SPHKAP: variants seen among roughly 807,000 people sequenced by gnomAD.
SPHKAP encodes A-kinase anchor protein SPHKAP.
In SPHKAP, 67 loss-of-function variants were observed where a neutral mutation model predicts 137.5. That is an observed-to-expected ratio of 0.49 (90% CI 0.40 to 0.60). The LOEUF is 0.60. SPHKAP is among the 20% of genes least tolerant of loss of function. The probability of loss-of-function intolerance (pLI) is 0.00; values close to 1 mark genes in which losing one functional copy is unlikely to be tolerated. For synonymous variants in SPHKAP, 813 were observed against 785.3 expected (o/e 1.04, Z -0.59); for missense variants, 2,097 against 2,069.3 (o/e 1.01, Z -0.26).
intron 1 of SPHKAP, among the ~76,000 whole-genome samples, chr2:228,149,646 T>G (rs1232859648): frequency 6.6e-6 from 1 of 152,210 alleles, no homozygotes; most frequent in East Asian, 1.9e-4. Context: ...TGGAAAGGTC[T>G]TGCATGCTTT....
intron 3 of SPHKAP, among the ~76,000 whole-genome samples, chr2:228,044,776 A>T (rs978471798): frequency 6.6e-6 from 1 of 152,232 alleles, no homozygotes; most frequent in African/African-American, 2.4e-5. Context: ...GATGCTAATT[A>T]GTTACTAAAA....
chr2:228,062,831 T>A (rs904515071), intron 3 of SPHKAP, among the ~76,000 whole-genome samples: 25 of 152,184 alleles, frequency 1.6e-4, no homozygotes, highest in African/African-American at 5.5e-4. Context: ...ACAAAAGAAC[T>A]GAAATTTTCT....
intron 3 of SPHKAP, among the ~76,000 whole-genome samples, chr2:228,039,424 C>CTATA (rs1249658383): frequency 6.9e-6 from 1 of 144,182 alleles, no homozygotes; most frequent in Non-Finnish European, 1.5e-5. Flanking sequence ...ATTTGAATGT[C>CTATA]TATAGGAAAT....
intron 8 of SPHKAP, 133 bp from the exon 9 acceptor site, chr2:227,993,753 C>A: frequency 1.4e-6 from 1 of 733,646 alleles, no homozygotes. Flanking sequence ...TAGGACACCT[C>A]AATTCATATT....
At chr2:228,032,627 G>C (rs1695382890) in intron 3 of SPHKAP, among the ~76,000 whole-genome samples, 1 of 152,188 alleles carries the variant, frequency 6.6e-6, no homozygotes, top group Non-Finnish European at 1.5e-5. Context: ...CAGCCAGAGA[G>C]AAAGGTCGGG....
intron 2 of SPHKAP, among the ~76,000 whole-genome samples, chr2:228,118,166 A>G (rs1256924397): frequency 6.7e-6 from 1 of 150,074 alleles, no homozygotes; most frequent in African/African-American, 2.4e-5. Flanking sequence ...AGATTCGTCT[A>G]TATTATCATA....
intron 1 of SPHKAP, among the ~76,000 whole-genome samples, chr2:228,176,567 C>A (rs1192769821): frequency 1.3e-5 from 2 of 152,204 alleles, no homozygotes; most frequent in Non-Finnish European, 2.9e-5. Flanking sequence ...CAGGACTAAG[C>A]ACCAGGTCTC....
At chr2:228,153,354 A>T (rs1056174941) in intron 1 of SPHKAP, among the ~76,000 whole-genome samples, 11 of 152,196 alleles carry the variant, frequency 7.2e-5, no homozygotes, top group Non-Finnish European at 1.5e-4. Context: ...TATTTCACAC[A>T]TCATATCTGA....
At chr2:228,139,427 C>T (rs1177531493) in intron 1 of SPHKAP, among the ~76,000 whole-genome samples, 3 of 152,100 alleles carry the variant, frequency 2.0e-5, no homozygotes, top group African/African-American at 7.2e-5. Context: ...AGCTGTACTT[C>T]CAAATAGAAT....
chr2:227,994,553 T>C (rs531400004), intron 8 of SPHKAP, among the ~76,000 whole-genome samples: 2 of 152,100 alleles, frequency 1.3e-5, no homozygotes, highest in Non-Finnish European at 2.9e-5. Context: ...TAGATGGTAC[T>C]CTAAAAGTAG....
At chr2:227,999,332 G>A (rs1168447642) in intron 7 of SPHKAP, among the ~76,000 whole-genome samples, 5 of 152,172 alleles carry the variant, frequency 3.3e-5, no homozygotes, top group African/African-American at 1.2e-4. Context: ...TAGGGAGGAA[G>A]GAGGAGAATG....
intron 1 of SPHKAP, among the ~76,000 whole-genome samples, chr2:228,157,907 G>C (rs1374811967): frequency 6.6e-6 from 1 of 152,154 alleles, no homozygotes. Context: ...AGGAAACAAG[G>C]CACCAAGTTT....
chr2:228,160,377 G>C (rs1235520336), intron 1 of SPHKAP, among the ~76,000 whole-genome samples: 1 of 152,192 alleles, frequency 6.6e-6, no homozygotes, highest in Non-Finnish European at 1.5e-5. Context: ...ATACAGGAAA[G>C]AGGTTTAATT....
Position 228,016,818 on chromosome 2 carries a change from TCTC to T in SPHKAP, c.4033_4035del (p.Glu1345del). Reference sequence around the variant, plus strand: ...CTCGCAGCTAATCTATTTGCACACTTCTCTGCTTGCGAGGGAGAGCCACCAGAA... The same window carrying T: ...CTCGCAGCTAATCTATTTGCACACTTTGCTTGCGAGGGAGAGCCACCAGAA... On this transcript the variant is annotated inframe_deletion, in exon 7 of 12. Coordinates refer to ENST00000392056, the MANE Select transcript of SPHKAP (RefSeq NM_001142644.2). The T allele has an allele frequency of 6.2e-7, 1 of 1,613,996 alleles. No individual in the cohort carries two copies. Among genetic ancestry groups the T allele is most frequent in the Non-Finnish European group, 8.5e-7 (1 of 1,180,000 alleles).
intron 1 of SPHKAP, among the ~76,000 whole-genome samples, chr2:228,154,591 C>T (rs535813560): frequency 1.7e-5 from 2 of 119,126 alleles, no homozygotes; most frequent in East Asian, 2.6e-4. Flanking sequence ...CTCTGTCACC[C>T]AGGCTGGAGT....
At chr2:228,138,894 T>C (rs1559194926) in intron 1 of SPHKAP, among the ~76,000 whole-genome samples, 1 of 77,440 alleles carries the variant, frequency 1.3e-5, no homozygotes, top group Non-Finnish European at 2.8e-5. Flanking sequence ...ATGAAGGATA[T>C]TTCTTTTCAA....
chr2:228,016,654 A>C lies in SPHKAP; in HGVS notation c.4200T>G (p.Asp1400Glu). The C allele has an allele frequency of 3.7e-6, 6 of 1,613,914 alleles. No homozygotes were observed. The highest frequency in any genetic ancestry group is 5.1e-6 in the Non-Finnish European group (6 of 1,179,986). ...TASLTNHSPL[D>E]SKKETSSCQD... ...GGCACGAGGAAGTTTCTTTTTTAGA[A>C]TCTAAAGGGCTGTGGTTTGTAAGAG... Residue 1400 changes from aspartate to glutamate, a missense_variant, in exon 7 of 12, where the codon GAT becomes GAG. Asp to Glu is a conservative substitution (Grantham distance 45). Coordinates refer to ENST00000392056, the MANE Select transcript of SPHKAP (RefSeq NM_001142644.2).
rs142164970 is a variant in SPHKAP, at chr2:227,991,163, G to A, written c.4796C>T (p.Thr1599Met). ...GCTCCTCTGGGGGCTGGCTGTTCCC[G>A]TAGGCGGTCCAGATGCAGGTGCTGA... ...STEAPASGPP[T>M]GTASPQRSLL... The change falls in exon 11 of 12, where the codon ACG becomes ATG. Residue 1599 changes from threonine (T) to methionine (M), a missense_variant. By Grantham distance (81) the Thr-to-Met change is moderately conservative. Transcript: ENST00000392056. 93 of 1,614,030 alleles carry A rather than the reference G, an allele frequency of 5.8e-5. No homozygotes were observed. The African/African-American group carries it at 7.5e-4, about 13-fold the overall frequency.
rs1698785787 is a variant in SPHKAP at position 228,118,263 on chromosome 2, T to A, written c.139-9324A>T. On this transcript the variant is annotated intron_variant, in intron 2 of 11. Coordinates refer to ENST00000392056, the MANE Select transcript of SPHKAP (RefSeq NM_001142644.2). ...CAGTTTTTTTTTTTTTTTTTTTTTT[T>A]AAGCCATTCACTAGCTGAAGGAAAT... Among the ~76,000 whole-genome samples, 4 of 149,004 alleles carry A rather than the reference T, an allele frequency of 2.7e-5. No individual in the cohort carries two copies. In the South Asian group the frequency reaches 8.5e-4, roughly 32 times the overall value.
Sources: allele counts gnomAD v4.1 joint callset (sites outside exome capture counted in the v4.1 genomes callset), GRCh38; gene constraint gnomAD v4.1.1; transcripts MANE v1.5; gene names NCBI Gene and HGNC (gene_info 2026-07-23, HGNC 2026-07-21).